Variants in MLIP observed in about 807,000 individuals in gnomAD.
The protein encoded by MLIP is muscular LMNA interacting protein.
A neutral mutation model predicts 84.8 loss-of-function variants in MLIP; 79 were observed. The observed-to-expected ratio is 0.93, with a 90% CI of 0.78 to 1.12. MLIP has a LOEUF of 1.12. MLIP is among the 50% of genes most tolerant of loss of function. The probability of loss-of-function intolerance (pLI) is 0.00; values close to 1 mark genes in which losing one functional copy is unlikely to be tolerated. For synonymous variants in MLIP, 504 were observed against 463.0 expected, an observed-to-expected ratio of 1.09 and a Z score of -1.14; for missense variants, 1,257 against 1,160.6, an observed-to-expected ratio of 1.08 and a Z score of -1.21.
intron 8 of MLIP, among the ~76,000 whole-genome samples, chr6:54,163,193 A>T (rs1364605500): frequency 6.6e-6 from 1 of 151,844 alleles, no homozygotes; most frequent in Non-Finnish European, 1.5e-5. Flanking sequence ...TAAAATAGTG[A>T]CTTTATATTT....
chr6:54,080,358 T>C (rs1482726018), intron 1 of MLIP, among the ~76,000 whole-genome samples: 1 of 152,006 alleles, frequency 6.6e-6, no homozygotes. Flanking sequence ...AGACTCCATC[T>C]TCACCCCCCA....
intron 12 of MLIP, among the ~76,000 whole-genome samples, chr6:54,249,684 G>T (rs1782323190): frequency 6.6e-6 from 1 of 150,528 alleles, no homozygotes; most frequent in Non-Finnish European, 1.5e-5. Context: ...GCAGTCTTTT[G>T]GGGAAATGTC....
chr6:54,166,302 G>A (rs1775178648), intron 8 of MLIP, among the ~76,000 whole-genome samples: 1 of 151,814 alleles, frequency 6.6e-6, no homozygotes, highest in African/African-American at 2.4e-5. Flanking sequence ...AAGATTAAGG[G>A]GAGAAGTTGT....
At chr6:54,251,512 A>G (rs920994832) in intron 12 of MLIP, among the ~76,000 whole-genome samples, 1 of 116,264 alleles carries the variant, frequency 8.6e-6, no homozygotes, top group African/African-American at 4.3e-5. Context: ...AATCAGGAAT[A>G]TATAGGTACA....
intron 1 of MLIP, 130 bp from the exon 2 acceptor site, chr6:54,121,317 C>T: frequency 1.1e-6 from 1 of 890,014 alleles, no homozygotes; most frequent in Non-Finnish European, 1.8e-6. Flanking sequence ...ACTTTGGCAG[C>T]CATATACATG....
intron 11 of MLIP, among the ~76,000 whole-genome samples, chr6:54,206,816 C>T (rs1219399468): frequency 6.6e-6 from 1 of 152,126 alleles, no homozygotes; most frequent in South Asian, 2.1e-4. Context: ...GGATAAATAC[C>T]TTTGTCGTAG....
rs73741450 is a variant in MLIP at position 54,146,761 on chromosome 6, G to A, written c.2218-2295G>A. ...AATAACAAGATATGTCTCTGTACAGGCTTTCCCAGCTATATTCTTTAGGGA... is the reference window on the plus strand; with the variant it reads ...AATAACAAGATATGTCTCTGTACAGACTTTCCCAGCTATATTCTTTAGGGA... On this transcript the variant is annotated intron_variant, in intron 4 of 13. Coordinates refer to ENST00000502396, the MANE Select transcript of MLIP (RefSeq NM_001281747.2). Among the ~76,000 whole-genome samples the A allele has an allele frequency of 5.5e-3, 844 of 152,200 alleles. 14 individuals carry two copies. The highest frequency in any genetic ancestry group is 0.018 in the African/African-American group (762 of 41,502).
chr6:54,110,226 G>A (rs947090256), upstream of MLIP, among the ~76,000 whole-genome samples: 2 of 151,676 alleles, frequency 1.3e-5, no homozygotes, highest in East Asian at 3.9e-4. Context: ...CTTGTGGTCC[G>A]CCCGCCTCGG....
chr6:54,076,689 G>C (rs1342380859), intron 1 of MLIP, among the ~76,000 whole-genome samples: 1 of 152,136 alleles, frequency 6.6e-6, no homozygotes. Flanking sequence ...CATTTTGGAG[G>C]CATCATCAAA....
chr6:54,095,217 C>A (rs1410546305), intron 1 of MLIP, among the ~76,000 whole-genome samples: 4 of 152,116 alleles, frequency 2.6e-5, no homozygotes, highest in Non-Finnish European at 5.9e-5. Flanking sequence ...GGCAGCCACA[C>A]AAAGCGAACT....
rs1767614705 is a variant in MLIP at position 54,087,966 on chromosome 6, C to T, written c.64-33481C>T. 2.0e-5 allele frequency among the ~76,000 whole-genome samples: 3 copies of T among 152,064 alleles called. No homozygotes were observed. The South Asian group carries it at 6.2e-4, about 31-fold the overall frequency. ...AGAACACCTGGGCAGGCTGAACCTA[C>T]TCATGATTTAGTGCAAGTTACTGAG... On this transcript the variant is annotated intron_variant, in intron 1 of 12. Transcript: ENST00000274897.
At chr6:54,034,184 A>G (rs374402379) in intron 1 of MLIP, among the ~76,000 whole-genome samples, 68 of 152,330 alleles carry the variant, frequency 4.5e-4, no homozygotes, top group Middle Eastern at 3.4e-3. Context: ...AATATCTAAC[A>G]TAATTTCTCT....
Position 54,244,856 on chromosome 6 carries a change from T to A in MLIP, c.2923-12452T>A, listed in dbSNP as rs79686094. Reference sequence around the variant, plus strand: ...GTGTTGTCTGCCATTGGACATATAGTATCTAGCTGGAATTTTTCATTGTAA... The same window carrying A: ...GTGTTGTCTGCCATTGGACATATAGAATCTAGCTGGAATTTTTCATTGTAA... On this transcript the variant is annotated intron_variant, in intron 12 of 13. Coordinates refer to ENST00000502396, the MANE Select transcript of MLIP (RefSeq NM_001281747.2). Among the ~76,000 whole-genome samples, 711 of 152,314 alleles carry A rather than the reference T, an allele frequency of 4.7e-3. 8 individuals carry two copies. Among genetic ancestry groups the A allele is most frequent in the Middle Eastern group, 0.027 (8 of 294 alleles).
chr6:54,187,106 T>A (rs1777472427), intron 9 of MLIP, among the ~76,000 whole-genome samples: 1 of 152,182 alleles, frequency 6.6e-6, no homozygotes, highest in Admixed American at 6.5e-5. Flanking sequence ...TCCAAACCTA[T>A]GACAGTGTGG....
At chr6:54,255,021 T>C (rs1482088968) in intron 12 of MLIP, among the ~76,000 whole-genome samples, 3 of 152,118 alleles carry the variant, frequency 2.0e-5, no homozygotes, top group African/African-American at 7.2e-5. Context: ...GTGTCTCTTG[T>C]GTGGCCTTTC....
chr6:54,019,136 CA>C, intron 1 of MLIP: 3 of 1,595,734 alleles, frequency 1.9e-6, no homozygotes, highest in Non-Finnish European at 2.6e-6. Context: ...ATGAAATTGA[CA>C]GGGTAGTAGA....
In MLIP at chr6:54,124,628, C is replaced by T; in HGVS notation, c.408C>T (p.Phe136=). Residue 136 remains phenylalanine, a synonymous_variant, in exon 3 of 14, where the codon TTC becomes TTT. Transcript: ENST00000502396. ...AAGGGATGCAGCAAAGTGACCTCTT[C>T]AAAGCTGAATATGTCCTTATTGTGG... ...KLQGMQQSDL[F]KAEYVLIVDS... 6.2e-7 allele frequency: 1 copy of T among 1,614,182 alleles called. No homozygotes were observed. The highest frequency in any genetic ancestry group is 1.1e-5 in the South Asian group (1 of 91,084).
chr6:54,212,813 G>T (rs532130182), intron 11 of MLIP, among the ~76,000 whole-genome samples: 1 of 152,298 alleles, frequency 6.6e-6, no homozygotes, highest in African/African-American at 2.4e-5. Context: ...TGCAAAAGAT[G>T]ATTAAATACA....
At chr6:54,033,348 C>A (rs904280059) in intron 1 of MLIP, among the ~76,000 whole-genome samples, 4 of 151,356 alleles carry the variant, frequency 2.6e-5, no homozygotes, top group African/African-American at 7.3e-5. Flanking sequence ...CTCACTGCAA[C>A]CTCCGCCTCC....
Sources: allele counts gnomAD v4.1 joint callset (sites outside exome capture counted in the v4.1 genomes callset), GRCh38; gene constraint gnomAD v4.1.1; transcripts MANE v1.5; gene names NCBI Gene and HGNC (gene_info 2026-07-23, HGNC 2026-07-21).